ZNRF1: variants seen among roughly 807,000 people sequenced by gnomAD.
The protein encoded by ZNRF1 is zinc and ring finger 1, also known as E3 ubiquitin-protein ligase ZNRF1.
ZNRF1 carries 3 observed loss-of-function variants against 18.4 expected under a neutral mutation model. That is an observed-to-expected ratio of 0.16 (90% CI 0.07 to 0.42). The LOEUF (loss-of-function observed/expected upper bound fraction) is 0.42, where lower values mean the gene tolerates loss of function less well. Among genes scored for constraint, ZNRF1 ranks in the 10% least tolerant of loss-of-function variants. The pLI, the probability that ZNRF1 is intolerant of heterozygous loss-of-function variation, is 0.99. For missense variants in ZNRF1, 310 were observed against 329.8 expected (o/e 0.94, Z 0.47); for synonymous variants, 157 against 144.2 (o/e 1.09, Z -0.64).
At chr16:75,073,313 C>G (rs2035897154) in intron 1 of ZNRF1, among the ~76,000 whole-genome samples, 1 of 150,808 alleles carries the variant, frequency 6.6e-6, no homozygotes, top group Non-Finnish European at 1.5e-5. Flanking sequence ...GTTGTTTTTC[C>G]TTTCTTTTTA....
At chr16:75,023,459 G>A (rs887677986) in intron 1 of ZNRF1, among the ~76,000 whole-genome samples, 3 of 152,174 alleles carry the variant, frequency 2.0e-5, no homozygotes, top group African/African-American at 7.2e-5. Flanking sequence ...CAAGGTGGAT[G>A]GATCACCTGA....
chr16:75,085,831 T>G (rs1386114159), intron 1 of ZNRF1, among the ~76,000 whole-genome samples: 1 of 142,150 alleles, frequency 7.0e-6, no homozygotes, highest in East Asian at 2.0e-4. Flanking sequence ...AGTGTGTGTG[T>G]GTGTGTGTGT....
chr16:75,001,876 C>T (rs960201878), intron 1 of ZNRF1, among the ~76,000 whole-genome samples: 1 of 152,084 alleles, frequency 6.6e-6, no homozygotes, highest in African/African-American at 2.4e-5. Flanking sequence ...GCTGTGAAAC[C>T]TTATTTTTTT....
At chr16:75,019,103 T>C (rs1597860908) in intron 1 of ZNRF1, among the ~76,000 whole-genome samples, 1 of 152,064 alleles carries the variant, frequency 6.6e-6, no homozygotes. Context: ...GAGGCGGAGG[T>C]TGCAGTGAGC....
chr16:75,016,331 C>T (rs762912774), intron 1 of ZNRF1, among the ~76,000 whole-genome samples: 13 of 151,896 alleles, frequency 8.6e-5, no homozygotes, highest in Non-Finnish European at 1.3e-4. Context: ...CTCCACCTCC[C>T]GGGTTCAAGC....
intron 2 of ZNRF1, among the ~76,000 whole-genome samples, chr16:75,103,422 C>T (rs2036275107): frequency 6.6e-6 from 1 of 152,166 alleles, no homozygotes; most frequent in African/African-American, 2.4e-5. Flanking sequence ...CAAAAGAAAA[C>T]CTCTGGTGTG....
intron 1 of ZNRF1, among the ~76,000 whole-genome samples, chr16:75,060,023 T>C (rs930903365): frequency 1.4e-4 from 22 of 152,136 alleles, no homozygotes; most frequent in African/African-American, 5.1e-4. Context: ...GCACTTGGAC[T>C]TGCCGTTACA....
At chr16:75,099,362 G>A (rs1345631215) in intron 2 of ZNRF1, among the ~76,000 whole-genome samples, 2 of 152,168 alleles carry the variant, frequency 1.3e-5, no homozygotes, top group Non-Finnish European at 2.9e-5. Context: ...TGGATCCCAG[G>A]GAGGGAGCAG....
chr16:75,090,614 C>T (rs771398810), intron 1 of ZNRF1, among the ~76,000 whole-genome samples: 19 of 152,088 alleles, frequency 1.2e-4, no homozygotes, highest in Non-Finnish European at 2.5e-4. Flanking sequence ...GGATTGGTAG[C>T]GTTTCCAAGA....
At chr16:75,012,526 G>C (rs1353357796) in intron 1 of ZNRF1, among the ~76,000 whole-genome samples, 2 of 152,162 alleles carry the variant, frequency 1.3e-5, no homozygotes, top group Non-Finnish European at 2.9e-5. Context: ...GCTCTTCTAA[G>C]ATTTTAGGTC....
rs531495437 is a variant in ZNRF1 at position 75,072,937 on chromosome 16, A to C, written c.425-20635A>C. Among the ~76,000 whole-genome samples the C allele has an allele frequency of 2.1e-4, 32 of 152,312 alleles. No homozygotes were observed. The South Asian group carries it at 6.4e-3, about 31-fold the overall frequency. ...CTGTGTTGGTGTAGTGATGGGCCCC[A>C]GTGCTACTGTTCATCACACTCAACC... On this transcript the variant is annotated intron_variant, in intron 1 of 4. Coordinates refer to ENST00000335325, the MANE Select transcript of ZNRF1 (RefSeq NM_032268.5).
intron 1 of ZNRF1, among the ~76,000 whole-genome samples, chr16:75,083,514 G>T (rs1454217473): frequency 6.6e-6 from 1 of 152,150 alleles, no homozygotes; most frequent in Non-Finnish European, 1.5e-5. Flanking sequence ...CTACTAAGAG[G>T]ATCTTTATAG....
intron 2 of ZNRF1, among the ~76,000 whole-genome samples, chr16:75,096,241 G>C (rs2036199384): frequency 6.6e-6 from 1 of 152,122 alleles, no homozygotes; most frequent in Non-Finnish European, 1.5e-5. Context: ...AGAAACAATG[G>C]TCCGGCCCTC....
In ZNRF1 at chr16:75,052,784, G is replaced by A. The variant is rs544915512; in HGVS notation, c.425-40788G>A. On this transcript the variant is annotated intron_variant, in intron 1 of 4. Transcript: ENST00000335325. ...TGCTTTATCACAGACTGTCTATACA[G>A]CCTTCCCTCCATCGATCTGTCTGTC... is the stretch of plus-strand genomic sequence containing the variant. Among the ~76,000 whole-genome samples, 6 of 152,184 alleles carry A rather than the reference G, an allele frequency of 3.9e-5. No homozygotes were observed. The South Asian group carries it at 1.0e-3, about 26-fold the overall frequency.
chr16:75,013,602 C>G (rs1015093551), intron 1 of ZNRF1, among the ~76,000 whole-genome samples: 2 of 152,174 alleles, frequency 1.3e-5, no homozygotes, highest in Admixed American at 1.3e-4. Context: ...GCCTTGGCCT[C>G]CCAGAGTGCT....
chr16:75,028,556 A>G (rs558436575), intron 1 of ZNRF1, among the ~76,000 whole-genome samples: 3 of 152,314 alleles, frequency 2.0e-5, no homozygotes, highest in African/African-American at 7.2e-5. Flanking sequence ...TGGGCTCCCA[A>G]AGTGCTGGGA....
intron 1 of ZNRF1, among the ~76,000 whole-genome samples, chr16:75,046,206 C>A (rs1045765930): frequency 3.3e-5 from 5 of 149,260 alleles, no homozygotes; most frequent in Non-Finnish European, 7.4e-5. Context: ...CGCGCCCAGC[C>A]AAATGTTTGC....
chr16:75,008,979 G>C (rs181147987), intron 1 of ZNRF1, among the ~76,000 whole-genome samples: 64 of 152,260 alleles, frequency 4.2e-4, no homozygotes, highest in African/African-American at 1.5e-3. Flanking sequence ...GGGGTCCTCT[G>C]TCCTCTCAGT....
At chr16:75,037,595 C>T (rs906782742) in intron 1 of ZNRF1, among the ~76,000 whole-genome samples, 1 of 152,128 alleles carries the variant, frequency 6.6e-6, no homozygotes, top group Non-Finnish European at 1.5e-5. Flanking sequence ...ACCTAGGCCT[C>T]CCAAAGTGCT....
Sources: allele counts gnomAD v4.1 joint callset (sites outside exome capture counted in the v4.1 genomes callset), GRCh38; gene constraint gnomAD v4.1.1; transcripts MANE v1.5; gene names NCBI Gene and HGNC (gene_info 2026-07-23, HGNC 2026-07-21).